NMNAT2: variants seen among roughly 807,000 people sequenced by gnomAD.
NMNAT2 encodes nicotinamide nucleotide adenylyltransferase 2, also known as nicotinamide/nicotinic acid mononucleotide adenylyltransferase 2.
A neutral mutation model predicts 41.6 loss-of-function variants in NMNAT2; 11 were observed. The observed-to-expected ratio is 0.26, with a 90% CI of 0.17 to 0.44. NMNAT2 has a LOEUF of 0.44. Ranked by LOEUF, NMNAT2 falls within the 20% of genes least tolerant of loss-of-function variation. NMNAT2 has a pLI of 1.00. For synonymous variants in NMNAT2, 148 were observed against 151.2 expected (o/e 0.98, Z 0.16); for missense variants, 288 against 407.7 (o/e 0.71, Z 2.53).
intron 1 of NMNAT2, among the ~76,000 whole-genome samples, chr1:183,382,556 C>G (rs534949852): frequency 7.8e-4 from 119 of 152,084 alleles, no homozygotes; most frequent in Admixed American, 3.3e-3. Context: ...AAATAAAAAA[C>G]AAGTTAGTTA....
chr1:183,357,939 A>T (rs144998358), intron 1 of NMNAT2, among the ~76,000 whole-genome samples: 1 of 152,332 alleles, frequency 6.6e-6, no homozygotes, highest in African/African-American at 2.4e-5. Flanking sequence ...AAAGGAATAT[A>T]AATTTTTCTA....
chr1:183,331,279 G>C (rs1662577834), intron 1 of NMNAT2, among the ~76,000 whole-genome samples: 1 of 152,190 alleles, frequency 6.6e-6, no homozygotes, highest in African/African-American at 2.4e-5. Context: ...AGCAGGGGTG[G>C]GGTCTGGGGG....
chr1:183,309,233 C>T (rs778097424), intron 1 of NMNAT2, among the ~76,000 whole-genome samples: 1 of 152,124 alleles, frequency 6.6e-6, no homozygotes, highest in Non-Finnish European at 1.5e-5. Flanking sequence ...CTCCTGGCCT[C>T]AAATGATCTT....
At chr1:183,355,539 C>T (rs548314359) in intron 1 of NMNAT2, among the ~76,000 whole-genome samples, 13 of 152,354 alleles carry the variant, frequency 8.5e-5, no homozygotes, top group African/African-American at 2.6e-4. Context: ...GATTGACATC[C>T]GTCTCCTTTA....
At chr1:183,416,823 T>C (rs1649264217) in intron 1 of NMNAT2, among the ~76,000 whole-genome samples, 1 of 152,216 alleles carries the variant, frequency 6.6e-6, no homozygotes. Flanking sequence ...GCCCTGTCTT[T>C]ACCGCTGTGG....
intron 1 of NMNAT2, among the ~76,000 whole-genome samples, chr1:183,311,612 C>T (rs1389841702): frequency 6.6e-6 from 1 of 152,016 alleles, no homozygotes; most frequent in Non-Finnish European, 1.5e-5. Flanking sequence ...TTAATGGCCA[C>T]CATGAAATCT....
chr1:183,414,340 T>A (rs1649199974), intron 1 of NMNAT2, among the ~76,000 whole-genome samples: 1 of 152,244 alleles, frequency 6.6e-6, no homozygotes, highest in Non-Finnish European at 1.5e-5. Flanking sequence ...TTCCTCTGTT[T>A]TTGTTTATAT....
At chr1:183,394,497 T>C (rs1370202181) in intron 1 of NMNAT2, among the ~76,000 whole-genome samples, 2 of 152,228 alleles carry the variant, frequency 1.3e-5, no homozygotes, top group African/African-American at 4.8e-5. Flanking sequence ...TTTTCTATTC[T>C]GTAGAGCCTC....
intron 8 of NMNAT2, 92 bp downstream of exon 8, chr1:183,278,461 A>C (rs1292845415): frequency 1.2e-6 from 1 of 802,924 alleles, no homozygotes; most frequent in Non-Finnish European, 2.2e-6. Context: ...TTAGAAGCTC[A>C]GAAGAAGTGA....
chr1:183,278,681 C>A, intron 7 of NMNAT2, 52 bp from the exon 8 acceptor site: 2 of 1,298,446 alleles, frequency 1.5e-6, no homozygotes, highest in Non-Finnish European at 2.2e-6. Flanking sequence ...GCCCGGGAAG[C>A]ATTTGACCCT....
intron 1 of NMNAT2, among the ~76,000 whole-genome samples, chr1:183,310,975 G>C (rs552642640): frequency 6.6e-6 from 1 of 152,238 alleles, no homozygotes; most frequent in Non-Finnish European, 1.5e-5. Flanking sequence ...ACATGACAAA[G>C]GGATTTCCCA....
At chr1:183,399,548 C>T (rs1252649385) in intron 1 of NMNAT2, among the ~76,000 whole-genome samples, 3 of 152,188 alleles carry the variant, frequency 2.0e-5, no homozygotes, top group Non-Finnish European at 4.4e-5. Context: ...GGAATCCTCC[C>T]TAACTCATTT....
chr1:183,303,080 T>G (rs774149581), intron 1 of NMNAT2, among the ~76,000 whole-genome samples: 1 of 152,226 alleles, frequency 6.6e-6, no homozygotes, highest in Non-Finnish European at 1.5e-5. Flanking sequence ...GGTGAGCAGA[T>G]GAACTGAGTC....
chr1:183,293,234 G>A (rs1009487767), intron 2 of NMNAT2, among the ~76,000 whole-genome samples: 16 of 152,226 alleles, frequency 1.1e-4, no homozygotes, highest in African/African-American at 3.9e-4. Context: ...TGGGAGAAAG[G>A]GGGAATGATG....
intron 1 of NMNAT2, among the ~76,000 whole-genome samples, chr1:183,395,490 C>T (rs1229608051): frequency 1.3e-5 from 2 of 152,050 alleles, no homozygotes; most frequent in Non-Finnish European, 2.9e-5. Context: ...ACAAAATTTC[C>T]TCTCCCTAGA....
chr1:183,269,826 T>C (rs1440963034), intron 8 of NMNAT2, among the ~76,000 whole-genome samples: 1 of 152,202 alleles, frequency 6.6e-6, no homozygotes, highest in East Asian at 1.9e-4. Flanking sequence ...AAAGACTCTT[T>C]CCTCCACATC....
At chr1:183,331,819 A>T (rs1290459776) in intron 1 of NMNAT2, among the ~76,000 whole-genome samples, 1 of 151,812 alleles carries the variant, frequency 6.6e-6, no homozygotes, top group East Asian at 1.9e-4. Context: ...ACGGAGTCTC[A>T]CTCTGTCACC....
chr1:183,352,562 C>CAAAAAAAAAA (rs55706245), intron 1 of NMNAT2, among the ~76,000 whole-genome samples: 1 of 79,160 alleles, frequency 1.3e-5, no homozygotes. Context: ...CAGTCTGTCT[C>CAAAAAAAAAA]AAAAAAAAAA....
At chr1:183,403,449 C>T (rs1011058037) in intron 1 of NMNAT2, among the ~76,000 whole-genome samples, 2 of 151,464 alleles carry the variant, frequency 1.3e-5, no homozygotes, top group African/African-American at 2.4e-5. Context: ...AACCCCCCCC[C>T]CCAAAAAAAA....
Sources: allele counts gnomAD v4.1 joint callset (sites outside exome capture counted in the v4.1 genomes callset), GRCh38; gene constraint gnomAD v4.1.1; transcripts MANE v1.5; gene names NCBI Gene and HGNC (gene_info 2026-07-23, HGNC 2026-07-21).